Variants in PHACTR2 observed in about 807,000 individuals in gnomAD.
The protein encoded by PHACTR2 is chromosome 6 open reading frame 56.
A neutral mutation model predicts 76.0 loss-of-function variants in PHACTR2; 30 were observed. The ratio of observed to expected loss-of-function variants is 0.39; its 90% CI spans 0.30 to 0.54. The LOEUF (loss-of-function observed/expected upper bound fraction) is 0.54. PHACTR2 is among the 20% of genes least tolerant of loss of function. PHACTR2 has a pLI of 0.61. For synonymous variants in PHACTR2, 292 were observed against 292.5 expected (o/e 1.00, Z 0.02); for missense variants, 696 against 781.1 (o/e 0.89, Z 1.30).
In PHACTR2 at chr6:143,646,255, A is replaced by T. The variant is rs917393107; in HGVS notation, c.13+37933A>T. 1.3e-5 allele frequency among the ~76,000 whole-genome samples: 2 copies of T among 152,082 alleles called. No individual in the cohort carries two copies. The highest frequency in any genetic ancestry group is 2.9e-5 in the Non-Finnish European group (2 of 67,998). On this transcript the variant is annotated intron_variant, in intron 1 of 11. Transcript: ENST00000305766. This position sits in a 1 kb window ranked among gnomAD's most constrained non-coding sequence, Gnocchi z 4.1. ...TTTTATTTTCATTGTTAGAGTGTCT[A>T]TGTCTATGTCAGTAATTGGGATTAT... is the stretch of plus-strand genomic sequence containing the variant.
Position 143,824,887 on chromosome 6 carries a change from T to G in PHACTR2, c.*1198T>G, listed in dbSNP as rs1269206446. 1 of 152,556 alleles carries G rather than the reference T, an allele frequency of 6.6e-6. No homozygotes were observed. The highest frequency in any genetic ancestry group is 2.1e-4 in the South Asian group (1 of 4,834). 9.5% of individuals were successfully genotyped at this position (152,556 alleles called of 1,614,324 possible). On this transcript the variant is annotated 3_prime_UTR_variant, in exon 13 of 13. Coordinates refer to ENST00000440869, the MANE Select transcript of PHACTR2 (RefSeq NM_001100164.2). The surrounding 1 kb of genome is among the most constrained non-coding windows in gnomAD (Gnocchi z 6.3). ...AAATCCTCATCTTGTATTTTAAGAA[T>G]CTGCAGATGGCATCCATAGATACAG...
Position 143,783,209 on chromosome 6 carries a change from T to C in PHACTR2, c.1646-10T>C, listed in dbSNP as rs377103479. Reference sequence around the variant, plus strand: ...AACTGTCATCACGACTTTCCTCCTTTAATAAACAGAAAAGAATGAAGAAGA... The same window carrying C: ...AACTGTCATCACGACTTTCCTCCTTCAATAAACAGAAAAGAATGAAGAAGA... On this transcript the variant is annotated splice_polypyrimidine_tract_variant and intron_variant, in intron 9 of 12. Transcript: ENST00000440869. The surrounding 1 kb of genome is among the most constrained non-coding windows in gnomAD (Gnocchi z 5.2). 13 of 1,585,890 alleles carry C rather than the reference T, an allele frequency of 8.2e-6. No individual in the cohort carries two copies. The highest frequency in any genetic ancestry group is 1.1e-5 in the Non-Finnish European group (13 of 1,155,640).
intron 2 of PHACTR2, among the ~76,000 whole-genome samples, chr6:143,732,388 C>A (rs1293716400): frequency 6.6e-6 from 1 of 152,196 alleles, no homozygotes; most frequent in African/African-American, 2.4e-5. Context: ...CATATGTGGT[C>A]TTTTATGACT....
rs983490534 is a variant in PHACTR2, at chr6:143,625,228, C to T, written c.13+16906C>T. 6.6e-6 allele frequency among the ~76,000 whole-genome samples: 1 copy of T among 151,834 alleles called. No individual in the cohort carries two copies. The highest frequency in any genetic ancestry group is 1.5e-5 in the Non-Finnish European group (1 of 68,006). ...TTTGCTGAGGGCATCATGTGACTAT[C>T]GTTTAAAATACAGTCATGTATACGT... On this transcript the variant is annotated intron_variant, in intron 1 of 11. Transcript: ENST00000305766. The surrounding 1 kb of genome is among the most constrained non-coding windows in gnomAD (Gnocchi z 4.3).
At chr6:143,704,271 G>C (rs961046939) in intron 1 of PHACTR2, among the ~76,000 whole-genome samples, 2 of 152,112 alleles carry the variant, frequency 1.3e-5, no homozygotes, top group African/African-American at 4.8e-5. Context: ...TCCATCATGT[G>C]CTAAAAAGTG....
chr6:143,577,893 A>C (rs1256757651), intron 1 of PHACTR2, among the ~76,000 whole-genome samples: 1 of 152,228 alleles, frequency 6.6e-6, no homozygotes, highest in Non-Finnish European at 1.5e-5. Flanking sequence ...ACCAAGGGAA[A>C]GCGAGAGGTA....
chr6:143,814,147 G>T (rs1776247081), intron 12 of PHACTR2, among the ~76,000 whole-genome samples: 3 of 152,194 alleles, frequency 2.0e-5, no homozygotes, highest in Non-Finnish European at 4.4e-5. Context: ...CATGAGGTCA[G>T]GAGTTCGAGA....
chr6:143,542,737 T>C (rs907249220), intron 1 of PHACTR2, among the ~76,000 whole-genome samples: 2 of 152,226 alleles, frequency 1.3e-5, no homozygotes, highest in African/African-American at 4.8e-5. Context: ...TTTCTTCATA[T>C]TTCATAGTTC....
At position 143,772,480 on chromosome 6, in the gene PHACTR2, G is replaced by C. The variant is rs1480207738; in HGVS notation, c.1432+23G>C. 1.9e-6 allele frequency: 3 copies of C among 1,578,406 alleles called. No individual in the cohort carries two copies. Among genetic ancestry groups the C allele is most frequent in the African/African-American group, 2.7e-5 (2 of 74,192 alleles). On this transcript the variant is annotated intron_variant, in intron 7 of 12. Transcript: ENST00000440869. This position sits in a 1 kb window ranked among gnomAD's most constrained non-coding sequence, Gnocchi z 5.4. ...AAAGTAAGACTGTTTTCAAGAGGCA[G>C]GGAGGAGCGTGGGTGATAAGCAGAA... is the stretch of plus-strand genomic sequence containing the variant.
intron 2 of PHACTR2, among the ~76,000 whole-genome samples, chr6:143,732,531 C>T (rs1226202173): frequency 1.3e-5 from 2 of 152,110 alleles, no homozygotes; most frequent in Admixed American, 6.5e-5. Flanking sequence ...AGTTGCTGGA[C>T]GTTGGGTTTC....
chr6:143,713,494 T>C (rs1264829584), intron 2 of PHACTR2, among the ~76,000 whole-genome samples: 2 of 152,126 alleles, frequency 1.3e-5, no homozygotes, highest in African/African-American at 4.8e-5. Flanking sequence ...TAAGGGAAAA[T>C]AATGCTAGTT....
chr6:143,614,006 A>G (rs756995213), intron 1 of PHACTR2, among the ~76,000 whole-genome samples: 1 of 152,190 alleles, frequency 6.6e-6, no homozygotes, highest in African/African-American at 2.4e-5. Context: ...GCAGATCACA[A>G]GGTCAGGAGT....
rs1476171499 is a variant in PHACTR2 at position 143,587,027 on chromosome 6, T to G, written c.217+49820T>G. On this transcript the variant is annotated intron_variant, in intron 1 of 11. Coordinates refer to the PHACTR2 transcript ENST00000367584. ...TTAATTGTGTCGAAAGCCTGTTAGC[T>G]CCTCATATAAGATTAGATTAACCCT... 4.6e-5 allele frequency among the ~76,000 whole-genome samples: 7 copies of G among 152,260 alleles called. No individual in the cohort carries two copies. In the South Asian group the frequency reaches 8.3e-4, roughly 18 times the overall value.
At chr6:143,716,474 C>T (rs556670406) in intron 2 of PHACTR2, among the ~76,000 whole-genome samples, 9 of 152,228 alleles carry the variant, frequency 5.9e-5, no homozygotes, top group African/African-American at 1.7e-4. Context: ...CACAGGCACA[C>T]GCCACGATGC....
intron 1 of PHACTR2, among the ~76,000 whole-genome samples, chr6:143,690,785 G>A (rs757260759): frequency 1.3e-5 from 2 of 152,182 alleles, no homozygotes; most frequent in Admixed American, 1.3e-4. Flanking sequence ...TAAAAGTTTT[G>A]TGGTACATAG....
intron 1 of PHACTR2, among the ~76,000 whole-genome samples, chr6:143,628,702 A>G (rs1776301921): frequency 6.6e-6 from 1 of 151,836 alleles, no homozygotes; most frequent in Admixed American, 6.6e-5. Flanking sequence ...ATAAGGTACC[A>G]TTTATAGGCT....
rs1380869011 is a variant in PHACTR2, at chr6:143,610,368, T to C, written c.13+2046T>C. ...ATTTAAAGAAGATAATGATGTTGAG[T>C]ATTTGCCTAAATTTTTCTAATCAGA... On this transcript the variant is annotated intron_variant, in intron 1 of 11. Transcript: ENST00000305766. The surrounding 1 kb of genome is among the most constrained non-coding windows in gnomAD (Gnocchi z 4.9). 6.6e-6 allele frequency among the ~76,000 whole-genome samples: 1 copy of C among 152,154 alleles called. No individual in the cohort carries two copies. Among genetic ancestry groups the C allele is most frequent in the East Asian group, 1.9e-4 (1 of 5,198 alleles).
At position 143,614,447 on chromosome 6, in the gene PHACTR2, C is replaced by T. The variant is rs182570504; in HGVS notation, c.13+6125C>T. Among the ~76,000 whole-genome samples, 444 of 152,226 alleles carry T rather than the reference C, an allele frequency of 2.9e-3. 2 individuals are homozygous for T. Among genetic ancestry groups the T allele is most frequent in the African/African-American group, 9.0e-3 (375 of 41,538 alleles). On this transcript the variant is annotated intron_variant, in intron 1 of 11. Coordinates refer to the PHACTR2 transcript ENST00000305766. ...CCATTTTTACCTTATTCTTCCTCTC[C>T]GGAGTTCTTCTCAACTTCCTGTTTC...
intron 2 of PHACTR2, among the ~76,000 whole-genome samples, chr6:143,728,916 A>G (rs1276167866): frequency 6.6e-6 from 1 of 152,198 alleles, no homozygotes; most frequent in Non-Finnish European, 1.5e-5. Flanking sequence ...ACTCTAGAAC[A>G]TCAGTCTAGG....
Sources: allele counts gnomAD v4.1 joint callset (sites outside exome capture counted in the v4.1 genomes callset), GRCh38; gene constraint gnomAD v4.1.1; non-coding constraint Gnocchi (gnomAD v3.1); transcripts MANE v1.5; gene names NCBI Gene and HGNC (gene_info 2026-07-23, HGNC 2026-07-21).